GPATCH2: variants seen among roughly 807,000 people sequenced by gnomAD.
The protein encoded by GPATCH2 is G-patch domain containing 2.
In GPATCH2, 51 loss-of-function variants were observed where a neutral mutation model predicts 58.0. The ratio of observed to expected loss-of-function variants is 0.88; its 90% CI spans 0.70 to 1.11. GPATCH2 has a LOEUF of 1.11. Ranked by LOEUF, GPATCH2 falls within the 50% of genes most tolerant of loss-of-function variation. GPATCH2 has a pLI of 0.00. For missense variants in GPATCH2, 625 were observed against 652.2 expected (o/e 0.96, Z 0.45); for synonymous variants, 222 against 218.5 (o/e 1.02, Z -0.14).
At chr1:217,578,675 T>G (rs868704194) in intron 5 of GPATCH2, among the ~76,000 whole-genome samples, 14 of 152,350 alleles carry the variant, frequency 9.2e-5, no homozygotes, top group Non-Finnish European at 1.6e-4. Flanking sequence ...AACACCCTCA[T>G]GTCCCTCTTT....
At chr1:217,545,219 C>A (rs1443596858) in intron 5 of GPATCH2, among the ~76,000 whole-genome samples, 1 of 152,192 alleles carries the variant, frequency 6.6e-6, no homozygotes, top group Admixed American at 6.5e-5. Context: ...GCTGAGGTAG[C>A]CCAGAAATCA....
intron 5 of GPATCH2, among the ~76,000 whole-genome samples, chr1:217,551,297 C>A (rs1326445201): frequency 2.0e-5 from 3 of 152,064 alleles, no homozygotes; most frequent in East Asian, 1.9e-4. Flanking sequence ...TCAATTCGTT[C>A]AATTCATTCT....
intron 8 of GPATCH2, among the ~76,000 whole-genome samples, chr1:217,472,377 C>A (rs1204064008): frequency 3.4e-5 from 5 of 146,378 alleles, no homozygotes; most frequent in Admixed American, 1.4e-4. Flanking sequence ...TCTCGGCTCA[C>A]TGCAAGCTCC....
chr1:217,444,323 A>G (rs1659282763), intron 9 of GPATCH2, among the ~76,000 whole-genome samples: 1 of 152,088 alleles, frequency 6.6e-6, no homozygotes, highest in African/African-American at 2.4e-5. Context: ...ACTAACGAAC[A>G]TGCCTTAGGT....
intron 9 of GPATCH2, among the ~76,000 whole-genome samples, chr1:217,435,990 A>G (rs1658808851): frequency 6.6e-6 from 1 of 152,334 alleles, no homozygotes; most frequent in Admixed American, 6.5e-5. Context: ...TATATGATGC[A>G]CTGACATTTA....
chr1:217,474,955 G>T (rs1043554192), intron 8 of GPATCH2, among the ~76,000 whole-genome samples: 1 of 152,130 alleles, frequency 6.6e-6, no homozygotes, highest in African/African-American at 2.4e-5. Context: ...AATAAAAAAG[G>T]TGAATAATTT....
At chr1:217,503,156 G>A (rs1451648093) in intron 6 of GPATCH2, among the ~76,000 whole-genome samples, 1 of 152,060 alleles carries the variant, frequency 6.6e-6, no homozygotes, top group Non-Finnish European at 1.5e-5. Context: ...TACCACTGAG[G>A]CCATGAAGAA....
intron 5 of GPATCH2, among the ~76,000 whole-genome samples, chr1:217,602,580 A>G (rs947251524): frequency 6.6e-6 from 1 of 152,178 alleles, no homozygotes; most frequent in Non-Finnish European, 1.5e-5. Context: ...CAGGTTGGAG[A>G]GATAATGAGG....
chr1:217,559,947 C>G (rs1665838447), intron 5 of GPATCH2, among the ~76,000 whole-genome samples: 1 of 152,042 alleles, frequency 6.6e-6, no homozygotes, highest in Non-Finnish European at 1.5e-5. Context: ...AGGCTTGGTT[C>G]AAGCGATTCT....
chr1:217,556,722 T>C (rs949342525), intron 5 of GPATCH2, among the ~76,000 whole-genome samples: 2 of 152,232 alleles, frequency 1.3e-5, no homozygotes, highest in Non-Finnish European at 2.9e-5. Context: ...CTGGGAAATA[T>C]ACATTGTGGG....
chr1:217,449,354 G>GA lies in GPATCH2; in HGVS notation c.1278-18dup, dbSNP rs1558399772. On this transcript the variant is annotated splice_polypyrimidine_tract_variant and intron_variant, in intron 8 of 9. Transcript: ENST00000366935. ...CTTGTTTGCCTACGAATAATTATCA[G>GA]AAAAAACTATTAACAAAGAAGAAAA... is the stretch of plus-strand genomic sequence containing the variant. 6 of 1,436,894 alleles carry GA rather than the reference G, an allele frequency of 4.2e-6. No homozygotes were observed. The African/African-American group carries it at 8.4e-5, about 20-fold the overall frequency. The allele number at this position is 1,436,894 out of a possible 1,614,324, so 89.0% of individuals were successfully genotyped here. A position where few individuals can be genotyped will look rare whatever the true frequency, so the allele number is the denominator to read the frequency against.
intron 9 of GPATCH2, among the ~76,000 whole-genome samples, chr1:217,432,589 C>T (rs1228702673): frequency 6.6e-6 from 1 of 152,132 alleles, no homozygotes; most frequent in Non-Finnish European, 1.5e-5. Flanking sequence ...CCTTCTCTAG[C>T]AGCAGGTATT....
intron 5 of GPATCH2, among the ~76,000 whole-genome samples, chr1:217,602,903 T>G (rs901773282): frequency 6.6e-6 from 1 of 152,136 alleles, no homozygotes; most frequent in African/African-American, 2.4e-5. Context: ...TGAAGACTAC[T>G]TTATGAAGAG....
chr1:217,532,076 C>T (rs907870598), intron 5 of GPATCH2, among the ~76,000 whole-genome samples: 9 of 152,178 alleles, frequency 5.9e-5, no homozygotes, highest in Non-Finnish European at 1.0e-4. Flanking sequence ...AACCCAACTC[C>T]GCTGGACCGG....
chr1:217,513,433 A>T (rs1662954476), intron 6 of GPATCH2, among the ~76,000 whole-genome samples: 1 of 152,214 alleles, frequency 6.6e-6, no homozygotes, highest in Admixed American at 6.5e-5. Flanking sequence ...TTTGTTAAGT[A>T]GTGATTTTAA....
intron 8 of GPATCH2, among the ~76,000 whole-genome samples, chr1:217,489,459 A>T (rs1165065071): frequency 1.3e-5 from 2 of 152,186 alleles, no homozygotes; most frequent in African/African-American, 4.8e-5. Flanking sequence ...TTTAACTATA[A>T]TCGCCAACCC....
At chr1:217,553,814 A>G (rs980173701) in intron 5 of GPATCH2, among the ~76,000 whole-genome samples, 3 of 152,216 alleles carry the variant, frequency 2.0e-5, no homozygotes, top group African/African-American at 7.2e-5. Flanking sequence ...GTGAAATACA[A>G]TGGCATTTTT....
intron 8 of GPATCH2, among the ~76,000 whole-genome samples, chr1:217,450,251 C>T (rs1558400478): frequency 6.6e-6 from 1 of 151,862 alleles, no homozygotes; most frequent in Non-Finnish European, 1.5e-5. Flanking sequence ...TATGACAACC[C>T]ATGTTCTTTT....
intron 5 of GPATCH2, among the ~76,000 whole-genome samples, chr1:217,545,481 C>T (rs990729614): frequency 2.0e-5 from 3 of 152,180 alleles, no homozygotes; most frequent in African/African-American, 7.2e-5. Flanking sequence ...ACTTTTCTCC[C>T]ACAGAAAGGG....
Sources: allele counts gnomAD v4.1 joint callset (sites outside exome capture counted in the v4.1 genomes callset), GRCh38; gene constraint gnomAD v4.1.1; transcripts MANE v1.5; gene names NCBI Gene and HGNC (gene_info 2026-07-23, HGNC 2026-07-21).